Variants in FMO4 observed in about 807,000 individuals in gnomAD.
FMO4 encodes the protein flavin containing dimethylaniline monoxygenase 4.
FMO4 carries 38 observed loss-of-function variants against 43.3 expected under a neutral mutation model. The ratio of observed to expected loss-of-function variants is 0.88; its 90% CI spans 0.68 to 1.15. The LOEUF (loss-of-function observed/expected upper bound fraction) is 1.15, where lower values mean the gene tolerates loss of function less well. Ranked by LOEUF, FMO4 falls within the 50% of genes most tolerant of loss-of-function variation. FMO4 has a pLI of 0.00. For missense variants in FMO4, 631 were observed against 663.3 expected (o/e 0.95, Z 0.54); for synonymous variants, 224 against 232.2 (o/e 0.96, Z 0.32).
intron 5 of FMO4, among the ~76,000 whole-genome samples, chr1:171,325,817 C>CTTTT (rs869107866): frequency 3.9e-5 from 2 of 51,032 alleles, no homozygotes; most frequent in East Asian, 1.1e-3. Context: ...ATAGACTATC[C>CTTTT]TTTTTTTTTT....
rs751981160 is a variant in FMO4 at position 171,341,750 on chromosome 1, A to T, written c.1588A>T (p.Ile530Phe). The change falls in exon 10 of 10, where the codon ATC (isoleucine) becomes TTC (phenylalanine). Residue 530 changes from isoleucine to phenylalanine, a missense_variant. Coordinates refer to ENST00000367749, the MANE Select transcript of FMO4 (RefSeq NM_002022.3). ...APVLLASLLL[I>F]CKSSLFLKLV... ...TGTCCTACTTGCCTCTCTTCTACTT[A>T]TCTGTAAATCTTCACTTTTCTTGAA... 6.2e-7 allele frequency: 1 copy of T among 1,613,846 alleles called. No homozygotes were observed. The highest frequency in any genetic ancestry group is 1.1e-5 in the South Asian group (1 of 91,062).
At chr1:171,340,347 G>T (rs1444523160) in intron 9 of FMO4, among the ~76,000 whole-genome samples, 1 of 152,048 alleles carries the variant, frequency 6.6e-6, no homozygotes, top group East Asian at 1.9e-4. Context: ...TACAGTTAGG[G>T]TTTTGCAATA....
chr1:171,333,198 G>C (rs1662974959), intron 7 of FMO4: 2 of 274,188 alleles, frequency 7.3e-6, no homozygotes, highest in South Asian at 9.0e-5. Context: ...TGTTGTTGTT[G>C]TTGGGGTTTT....
At chr1:171,339,413 G>C (rs1663262834) in intron 9 of FMO4, among the ~76,000 whole-genome samples, 1 of 152,172 alleles carries the variant, frequency 6.6e-6, no homozygotes, top group African/African-American at 2.4e-5. Flanking sequence ...CTCATGGAGA[G>C]CTTGACAGCC....
In FMO4 at chr1:171,341,407, T is replaced by C; in HGVS notation, c.1251-6T>C. On this transcript the variant is annotated splice_region_variant and splice_polypyrimidine_tract_variant and intron_variant, in intron 9 of 9. Coordinates refer to ENST00000367749, the MANE Select transcript of FMO4 (RefSeq NM_002022.3). ...ATGAAAGGTCCTCCCTCTTTTTTCC[T>C]CTCAGGGGAGTGTTTAAAGACACCA... 1.9e-6 allele frequency: 3 copies of C among 1,610,162 alleles called. No homozygotes were observed. Among genetic ancestry groups the C allele is most frequent in the Non-Finnish European group, 2.5e-6 (3 of 1,177,722 alleles).
intron 5 of FMO4, among the ~76,000 whole-genome samples, chr1:171,326,975 A>ACC: frequency 6.6e-6 from 1 of 152,156 alleles, no homozygotes; most frequent in African/African-American, 2.4e-5. Context: ...TCATTGACTC[A>ACC]GAACTATCTA....
At chr1:171,318,306 G>T (rs768824466) in intron 2 of FMO4, among the ~76,000 whole-genome samples, 2 of 145,922 alleles carry the variant, frequency 1.4e-5, no homozygotes, top group Non-Finnish European at 2.9e-5. Flanking sequence ...GACAGAGCAA[G>T]ACTGTCTCAA....
In FMO4 at chr1:171,332,711, A is replaced by G. The variant is rs1266657560; in HGVS notation, c.630A>G (p.Val210=). 5.0e-6 allele frequency: 8 copies of G among 1,606,042 alleles called. No individual in the cohort carries two copies. Among genetic ancestry groups the G allele is most frequent in the Non-Finnish European group, 6.8e-6 (8 of 1,174,052 alleles). The change falls in exon 7 of 10, where the codon GTA becomes GTG. Residue 210 remains valine (V), a splice_region_variant and synonymous_variant. Coordinates refer to ENST00000367749, the MANE Select transcript of FMO4 (RefSeq NM_002022.3). ...AVELSRTAAQ[V]LLSTRTGTWV... is the part of the protein sequence containing the mutation. ...TCTTGCCTTACTTTACTTTTTAGGT[A>G]CTTCTCAGTACTAGAACTGGTACCT...
chr1:171,319,724 G>T, intron 2 of FMO4, 94 bp from the exon 3 acceptor site: 2 of 1,010,664 alleles, frequency 2.0e-6, no homozygotes, highest in Non-Finnish European at 1.5e-6. Context: ...ATGAAAAAAA[G>T]GCATATATAG....
chr1:171,338,978 G>A (rs1477606341), intron 9 of FMO4, among the ~76,000 whole-genome samples: 1 of 152,116 alleles, frequency 6.6e-6, no homozygotes, highest in African/African-American at 2.4e-5. Flanking sequence ...AAAGTTTACT[G>A]ACAGAAATAA....
At chr1:171,338,171 A>T (rs1279062295) in intron 9 of FMO4, among the ~76,000 whole-genome samples, 3 of 151,988 alleles carry the variant, frequency 2.0e-5, no homozygotes, top group Non-Finnish European at 4.4e-5. Context: ...CACATCCCAT[A>T]TCGGCAAATA....
chr1:171,328,649 CAAA>C (rs1286478526), intron 5 of FMO4, among the ~76,000 whole-genome samples: 1 of 131,746 alleles, frequency 7.6e-6, no homozygotes. Context: ...GACCCTGTCT[CAAA>C]AAAAAAAAAA....
In FMO4 at chr1:171,324,292, C is replaced by A. The variant is rs772696218; in HGVS notation, c.476C>A (p.Ala159Asp). ...HFLNPHLPLE[A>D]FPGIHKFKGQ... ...CTGAATCCCCATTTACCTTTGGAAGCCTTTCCTGGTGAGTCATTTCTACCT... is the reference window on the plus strand; with the variant it reads ...CTGAATCCCCATTTACCTTTGGAAGACTTTCCTGGTGAGTCATTTCTACCT... The change falls in exon 5 of 10, where the codon GCC (alanine) becomes GAC (aspartate). Residue 159 changes from alanine to aspartate, a missense_variant. Coordinates refer to ENST00000367749, the MANE Select transcript of FMO4 (RefSeq NM_002022.3). 3.7e-6 allele frequency: 6 copies of A among 1,605,156 alleles called. No homozygotes were observed. In the South Asian group the frequency reaches 5.6e-5, roughly 15 times the overall value.
chr1:171,322,568 A>T (rs966789384), intron 3 of FMO4, among the ~76,000 whole-genome samples: 1 of 152,204 alleles, frequency 6.6e-6, no homozygotes, highest in Non-Finnish European at 1.5e-5. Flanking sequence ...AATTACAAAT[A>T]GTGGCTGGGT....
At position 171,333,952 on chromosome 1, in the gene FMO4, T is replaced by G. The variant is rs1313616650; in HGVS notation, c.828-459T>G. The stretch of plus-strand genomic sequence containing the variant: ...GATTCTCCTGCCTCAGCCTCCCAGA[T>G]AGGTGGGACTACAGGTGCAGGCCAC... On this transcript the variant is annotated intron_variant, in intron 7 of 9. Transcript: ENST00000367749. Among the ~76,000 whole-genome samples, 4 of 152,156 alleles carry G rather than the reference T, an allele frequency of 2.6e-5. No individual in the cohort carries two copies. In the East Asian group the frequency reaches 7.7e-4, roughly 29 times the overall value.
chr1:171,337,426 G>T lies in FMO4; in HGVS notation c.1250+1G>T, dbSNP rs769013150. On this transcript the variant is annotated splice_donor_variant, in intron 9 of 9. Coordinates refer to ENST00000367749, the MANE Select transcript of FMO4 (RefSeq NM_002022.3). LOFTEE classifies it high-confidence loss of function. ...CTGAAAAGGAACAGCTCATTAAAAGGTATGAAATGTAGCTTGCTCTAGGGC... is the reference window on the plus strand; with the variant it reads ...CTGAAAAGGAACAGCTCATTAAAAGTTATGAAATGTAGCTTGCTCTAGGGC... 1.9e-6 allele frequency: 3 copies of T among 1,602,374 alleles called. No individual in the cohort carries two copies. The highest frequency in any genetic ancestry group is 1.7e-6 in the Non-Finnish European group (2 of 1,169,440).
intron 6 of FMO4, 21 bp from the exon 7 acceptor site, chr1:171,332,688 T>C (rs771680551): frequency 6.3e-7 from 1 of 1,589,624 alleles, no homozygotes; most frequent in Admixed American, 1.7e-5. Context: ...TTTATCCTTC[T>C]TGCCTTACTT....
intron 6 of FMO4, 33 bp downstream of exon 6, chr1:171,331,815 C>T (rs371555752): frequency 1.9e-5 from 30 of 1,603,170 alleles, no homozygotes; most frequent in Admixed American, 1.2e-4. Flanking sequence ...CCCCTAATCC[C>T]ATCATCAGTT....
chr1:171,334,446 C>T lies in FMO4; in HGVS notation c.863C>T (p.Pro288Leu). 1 of 1,597,968 alleles carries T rather than the reference C, an allele frequency of 6.3e-7. No homozygotes were observed. Among genetic ancestry groups the T allele is most frequent in the Non-Finnish European group, 8.5e-7 (1 of 1,174,142 alleles). The change falls in exon 8 of 10, where the codon CCA becomes CTA. Residue 288 changes from proline (P) to leucine (L), a missense_variant. Pro to Leu is a moderately conservative substitution (Grantham distance 98). Coordinates refer to ENST00000367749, the MANE Select transcript of FMO4 (RefSeq NM_002022.3). ...KAKFIVNDEL[P>L]NCILCGAITM... ...AAATTCATTGTGAATGATGAGCTGC[C>T]AAACTGTATCCTCTGTGGGGCAATC... is the stretch of plus-strand genomic sequence containing the variant.
Sources: allele counts gnomAD v4.1 joint callset (sites outside exome capture counted in the v4.1 genomes callset), GRCh38; gene constraint gnomAD v4.1.1; transcripts MANE v1.5; gene names NCBI Gene and HGNC (gene_info 2026-07-23, HGNC 2026-07-21).